The following NEU1 variants were observed in gnomAD, a reference collection of about 807,000 sequenced individuals.
The protein encoded by NEU1 is sialidase-1.
A neutral mutation model predicts 38.3 loss-of-function variants in NEU1; 32 were observed. That is an observed-to-expected ratio of 0.84 (90% CI 0.63 to 1.12). The LOEUF (loss-of-function observed/expected upper bound fraction) is 1.12, where lower values mean the gene tolerates loss of function less well. Among genes scored for constraint, NEU1 ranks in the 50% most tolerant of loss-of-function variants. The probability of loss-of-function intolerance (pLI) is 0.00; values close to 1 mark genes in which losing one functional copy is unlikely to be tolerated. For missense variants in NEU1, 431 were observed against 549.2 expected (o/e 0.78, Z 2.15); for synonymous variants, 192 against 225.2 (o/e 0.85, Z 1.32).
rs767105808 is a variant in NEU1, at chr6:31,862,744, C to T, written c.33G>A (p.Pro11=). The change falls in exon 1 of 6, where the codon CCG becomes CCA. Residue 11 remains proline, a synonymous_variant. Transcript: ENST00000375631. The surrounding 1 kb of genome is among the most constrained non-coding windows in gnomAD (Gnocchi z 6.3). MTGERPSTAL[P]DRRWGPRILG... ...GAATCCGCGGCCCCCAGCGTCTGTC[C>T]GGGAGCGCCGTGCTGGGTCGCTCCC... 1 of 1,612,990 alleles carries T rather than the reference C, an allele frequency of 6.2e-7. No homozygotes were observed. Among genetic ancestry groups the T allele is most frequent in the Non-Finnish European group, 8.5e-7 (1 of 1,180,000 alleles).
intron 2 of NEU1, 143 bp downstream of exon 2, chr6:31,861,856 C>T (rs1360739881): frequency 6.7e-6 from 6 of 896,684 alleles, no homozygotes; most frequent in Non-Finnish European, 1.1e-5. Flanking sequence ...GTCCTAGACA[C>T]TTGCCCTTCT....
chr6:31,859,911 A>G lies in NEU1; in HGVS notation c.1056T>C (p.Asn352=), dbSNP rs2151543870. Residue 352 remains asparagine, a synonymous_variant, in exon 6 of 6, where the codon AAT becomes AAC. Coordinates refer to ENST00000375631, the MANE Select transcript of NEU1 (RefSeq NM_000434.4). ...VNLTLRWSFS[N]GTSWRKETVQ... is the part of the protein sequence containing the mutation. ...CTGTCTCTTTCCGCCATGAGGTACC[A>G]TTGCTGAAGCTCCATCGCAGGGTCA... The G allele has an allele frequency of 3.1e-6, 5 of 1,612,956 alleles. No homozygotes were observed. The highest frequency in any genetic ancestry group is 3.4e-6 in the Non-Finnish European group (4 of 1,180,012).
chr6:31,862,769 C>A lies in NEU1; in HGVS notation c.8G>T (p.Gly3Val). 1 of 1,612,818 alleles carries A rather than the reference C, an allele frequency of 6.2e-7. No homozygotes were observed. ...CGGGAGCGCCGTGCTGGGTCGCTCC[C>A]CAGTCATCTCTCCCCGCAGCTGCCG... is the stretch of plus-strand genomic sequence containing the variant. MT[G>V]ERPSTALPDR... The change falls in exon 1 of 6, where the codon GGG becomes GTG. Residue 3 changes from glycine (G) to valine (V), a missense_variant. Gly to Val is a moderately radical substitution (Grantham distance 109). Coordinates refer to ENST00000375631, the MANE Select transcript of NEU1 (RefSeq NM_000434.4). The surrounding 1 kb of genome is among the most constrained non-coding windows in gnomAD (Gnocchi z 6.3).
In NEU1 at chr6:31,862,591, G is replaced by T; in HGVS notation, c.159+27C>A. On this transcript the variant is annotated intron_variant, in intron 1 of 5. Transcript: ENST00000375631. The surrounding 1 kb of genome is among the most constrained non-coding windows in gnomAD (Gnocchi z 6.3). ...GTGTCGATCACCTGCGCGGGTCGGG[G>T]ATGGGGCTATGCAAAGGGTGACTCA... 6.2e-7 allele frequency: 1 copy of T among 1,613,058 alleles called. No homozygotes were observed. Among genetic ancestry groups the T allele is most frequent in the South Asian group, 1.1e-5 (1 of 91,084 alleles).
Position 31,860,373 on chromosome 6 carries a change from C to A in NEU1, c.798+66G>T, listed in dbSNP as rs116162104. The A allele has an allele frequency of 3.7e-6, 6 of 1,607,704 alleles. No homozygotes were observed. The highest frequency in any genetic ancestry group is 5.1e-6 in the Non-Finnish European group (6 of 1,174,642). The stretch of plus-strand genomic sequence containing the variant: ...GGAGCAGTCAGACCCTGGGTCTGTG[C>A]GTGAAATGATGTTCTGGAGGGCAGG... On this transcript the variant is annotated intron_variant, in intron 4 of 5. Transcript: ENST00000375631. The surrounding 1 kb of genome is among the most constrained non-coding windows in gnomAD (Gnocchi z 4.8).
In NEU1 at chr6:31,861,202, C is replaced by A; in HGVS notation, c.601G>T (p.Gly201Cys). ...AGGACAGAGACCTGAATACCAGAGC[C>A]CGGTCCAGGGGCAAACACTTCAGTG... ...IGTEVFAPGP[G>C]SGIQKQREPR... The change falls in exon 3 of 6, where the codon GGC (glycine) becomes TGC (cysteine). Residue 201 changes from glycine (G) to cysteine (C), a missense_variant. Gly to Cys is a radical substitution (Grantham distance 159, BLOSUM62 -3). Transcript: ENST00000375631. 6.2e-7 allele frequency: 1 copy of A among 1,611,808 alleles called. No individual in the cohort carries two copies. Among genetic ancestry groups the A allele is most frequent in the Non-Finnish European group, 8.5e-7 (1 of 1,180,012 alleles).
In NEU1 at chr6:31,860,038, T is replaced by A. The variant is rs764121323; in HGVS notation, c.1021+4A>T. On this transcript the variant is annotated splice_donor_region_variant and intron_variant, in intron 5 of 5. Transcript: ENST00000375631. The surrounding 1 kb of genome is among the most constrained non-coding windows in gnomAD (Gnocchi z 4.8). ...CCTGCTGACCCCACCCATGAGGCACTCACGGAACTCTGGATGTGCTGGGTT... is the reference window on the plus strand; with the variant it reads ...CCTGCTGACCCCACCCATGAGGCACACACGGAACTCTGGATGTGCTGGGTT... The A allele has an allele frequency of 1.9e-6, 3 of 1,612,780 alleles. No homozygotes were observed. In the South Asian group the frequency reaches 3.3e-5, roughly 18 times the overall value.
In NEU1 at chr6:31,862,793, C is replaced by G. The variant is rs768729299; in HGVS notation, c.-17G>C. On this transcript the variant is annotated 5_prime_UTR_variant, in exon 1 of 6. Transcript: ENST00000375631. The surrounding 1 kb of genome is among the most constrained non-coding windows in gnomAD (Gnocchi z 6.3). ...CCCAGTCATCTCTCCCCGCAGCTGCCGCGACCCTGGCAGCTAGACTCCACA... is the reference window on the plus strand; with the variant it reads ...CCCAGTCATCTCTCCCCGCAGCTGCGGCGACCCTGGCAGCTAGACTCCACA... 39 of 1,612,406 alleles carry G rather than the reference C, an allele frequency of 2.4e-5. No homozygotes were observed. In the South Asian group the frequency reaches 4.3e-4, roughly 18 times the overall value.
intron 5 of NEU1, 43 bp from the exon 6 acceptor site, chr6:31,859,988 G>T: frequency 6.2e-7 from 1 of 1,612,550 alleles, no homozygotes; most frequent in Non-Finnish European, 8.5e-7. Context: ...TCTCTGCCCA[G>T]GCCTTGTCTA....
chr6:31,860,189 C>T lies in NEU1; in HGVS notation c.874G>A (p.Val292Ile), dbSNP rs753150585. Residue 292 changes from valine to isoleucine, a missense_variant, in exon 5 of 6, where the codon GTC becomes ATC. Val to Ile is a conservative substitution (Grantham distance 29). Coordinates refer to ENST00000375631, the MANE Select transcript of NEU1 (RefSeq NM_000434.4). This position sits in a 1 kb window ranked among gnomAD's most constrained non-coding sequence, Gnocchi z 4.8. ...TCACAGGCATCATAGCTGCGGAGGA[C>T]AATTCGGCAGTGGCAGTGGTAGTTG... ...QNNYHCHCRI[V>I]LRSYDACDTL... 6.2e-7 allele frequency: 1 copy of T among 1,612,988 alleles called. No homozygotes were observed. The highest frequency in any genetic ancestry group is 8.5e-7 in the Non-Finnish European group (1 of 1,180,010).
At position 31,862,678 on chromosome 6, in the gene NEU1, C is replaced by T. The variant is rs141879244; in HGVS notation, c.99G>A (p.Ala33=). 1 of 1,612,886 alleles carries T rather than the reference C, an allele frequency of 6.2e-7. No homozygotes were observed. Among genetic ancestry groups the T allele is most frequent in the African/African-American group, 1.3e-5 (1 of 74,898 alleles). Residue 33 remains alanine (A), a synonymous_variant, in exon 1 of 6, where the codon GCG becomes GCA. Transcript: ENST00000375631. This position sits in a 1 kb window ranked among gnomAD's most constrained non-coding sequence, Gnocchi z 6.3. The stretch of plus-strand genomic sequence containing the variant: ...CTGCCAGAGACAGCAGCAGGAAGAT[C>T]GCGGCAAACACCCAAACCCTACAGC... ...WGGCRVWVFA[A]IFLLLSLAAS...
chr6:31,862,117 G>T lies in NEU1; in HGVS notation c.234C>A (p.Arg78=), dbSNP rs1291413581. The T allele has an allele frequency of 1.2e-6, 2 of 1,613,106 alleles. No individual in the cohort carries two copies. The highest frequency in any genetic ancestry group is 2.7e-5 in the African/African-American group (2 of 75,052). Residue 78 remains arginine, a synonymous_variant, in exon 2 of 6, where the codon CGC becomes CGA. Coordinates refer to ENST00000375631, the MANE Select transcript of NEU1 (RefSeq NM_000434.4). The surrounding 1 kb of genome is among the most constrained non-coding windows in gnomAD (Gnocchi z 6.3). The part of the protein sequence containing the change: ...GRQIGSVDTF[R]IPLITATPRG... ...GCGGAGTGGCTGTGATGAGCGGGAT[G>T]CGGAAGGTGTCCACTGAGCCGATCT...
chr6:31,861,077 G>C, intron 3 of NEU1, 111 bp downstream of exon 3: 1 of 1,517,858 alleles, frequency 6.6e-7, no homozygotes, highest in Non-Finnish European at 9.0e-7. Context: ...TCCCACCCAA[G>C]CCAGAAAATC....
Position 31,862,438 on chromosome 6 carries a change from G to A in NEU1, c.159+180C>T, listed in dbSNP as rs1476708917. ...CCCCAAAAGAGGAAGGGGCTCGAAT[G>A]AGGAGAAGGACGGGGACCCGGAGAG... On this transcript the variant is annotated intron_variant, in intron 1 of 5. Coordinates refer to ENST00000375631, the MANE Select transcript of NEU1 (RefSeq NM_000434.4). The surrounding 1 kb of genome is among the most constrained non-coding windows in gnomAD (Gnocchi z 6.3). 6.6e-6 allele frequency among the ~76,000 whole-genome samples: 1 copy of A among 152,208 alleles called. No homozygotes were observed. Among genetic ancestry groups the A allele is most frequent in the Non-Finnish European group, 1.5e-5 (1 of 68,034 alleles).
chr6:31,862,816 A>G lies in NEU1; in HGVS notation c.-40T>C, dbSNP rs41267082. ...GCCGCGACCCTGGCAGCTAGACTCC[A>G]CAGAGTCGGGAGTCAGCTGACCCGG... On this transcript the variant is annotated 5_prime_UTR_variant, in exon 1 of 6. Coordinates refer to ENST00000375631, the MANE Select transcript of NEU1 (RefSeq NM_000434.4). The surrounding 1 kb of genome is among the most constrained non-coding windows in gnomAD (Gnocchi z 6.3). 2 of 1,610,712 alleles carry G rather than the reference A, an allele frequency of 1.2e-6. No individual in the cohort carries two copies. Among genetic ancestry groups the G allele is most frequent in the Non-Finnish European group, 1.7e-6 (2 of 1,178,954 alleles).
chr6:31,862,089 C>G lies in NEU1; in HGVS notation c.262G>C (p.Gly88Arg), dbSNP rs1317580633. ...GCCTCAGCAAAGGCGAGAAGAGTGC[C>G]CCGCGGAGTGGCTGTGATGAGCGGG... ...RIPLITATPR[G>R]TLLAFAEARK... is the part of the protein sequence containing the mutation. Residue 88 changes from glycine to arginine, a missense_variant, in exon 2 of 6, where the codon GGC becomes CGC. Physicochemically the swap from Gly to Arg is moderately radical, Grantham distance 125. Transcript: ENST00000375631. This position sits in a 1 kb window ranked among gnomAD's most constrained non-coding sequence, Gnocchi z 6.3. 6.2e-7 allele frequency: 1 copy of G among 1,613,074 alleles called. No individual in the cohort carries two copies. The highest frequency in any genetic ancestry group is 8.5e-7 in the Non-Finnish European group (1 of 1,180,038).
At chr6:31,861,901 C>A in intron 2 of NEU1, 98 bp downstream of exon 2, 1 of 1,391,718 alleles carries the variant, frequency 7.2e-7, no homozygotes, top group Non-Finnish European at 1.0e-6. Flanking sequence ...CTCAGGCAAC[C>A]AACCCTCTAA....
At chr6:31,861,694 A>G (rs1239273175) in intron 2 of NEU1, 2 of 627,636 alleles carry the variant, frequency 3.2e-6, no homozygotes, top group African/African-American at 3.7e-5. Flanking sequence ...TTCCAGTACA[A>G]TTTAAATCCT....
chr6:31,862,713 A>T lies in NEU1; in HGVS notation c.64T>A (p.Phe22Ile), dbSNP rs1418250348. 1 of 1,612,998 alleles carries T rather than the reference A, an allele frequency of 6.2e-7. No homozygotes were observed. Among genetic ancestry groups the T allele is most frequent in the Admixed American group, 1.7e-5 (1 of 60,024 alleles). ...DRRWGPRILG[F>I]WGGCRVWVFA... is the part of the protein sequence containing the mutation. ...ACCCAAACCCTACAGCCTCCCCAGA[A>T]GCCCAGAATCCGCGGCCCCCAGCGT... Residue 22 changes from phenylalanine to isoleucine, a missense_variant, in exon 1 of 6, where the codon TTC becomes ATC. Phe to Ile is a conservative substitution (Grantham distance 21). Coordinates refer to ENST00000375631, the MANE Select transcript of NEU1 (RefSeq NM_000434.4). This position sits in a 1 kb window ranked among gnomAD's most constrained non-coding sequence, Gnocchi z 6.3.
Sources: gnomAD v4.1 joint callset for allele counts (sites outside exome capture counted in the v4.1 genomes callset) on GRCh38, gnomAD v4.1.1 for gene constraint, Gnocchi (gnomAD v3.1) non-coding constraint, MANE v1.5 for transcripts, NCBI Gene and HGNC (gene_info 2026-07-23, HGNC 2026-07-21) for gene names.